Variants in NEGR1 observed in about 807,000 individuals in gnomAD.
NEGR1 encodes the protein neuronal growth regulator 1.
In NEGR1, 10 loss-of-function variants were observed where a neutral mutation model predicts 40.9. That is an observed-to-expected ratio of 0.24 (90% confidence interval 0.15 to 0.42). The LOEUF is 0.42. Ranked by LOEUF, NEGR1 falls within the 10% of genes least tolerant of loss-of-function variation. The probability of loss-of-function intolerance (pLI) is 1.00; values close to 1 mark genes in which losing one functional copy is unlikely to be tolerated. For synonymous variants in NEGR1, 185 were observed against 166.8 expected (o/e 1.11, Z -0.84); for missense variants, 352 against 438.9 (o/e 0.80, Z 1.77).
At chr1:71,993,578 G>A (rs1017879886) in intron 1 of NEGR1, among the ~76,000 whole-genome samples, 8 of 152,110 alleles carry the variant, frequency 5.3e-5, no homozygotes, top group African/African-American at 1.9e-4. Context: ...ATCTCTTCCT[G>A]TAAGAAAATA....
chr1:71,750,776 C>A (rs748906921), intron 3 of NEGR1, among the ~76,000 whole-genome samples: 13 of 152,122 alleles, frequency 8.5e-5, no homozygotes, highest in Non-Finnish European at 1.5e-4. Context: ...ATTACTTAAT[C>A]ATTTATATTT....
chr1:71,766,684 T>C (rs887093795), intron 3 of NEGR1, among the ~76,000 whole-genome samples: 1 of 152,214 alleles, frequency 6.6e-6, no homozygotes, highest in African/African-American at 2.4e-5. Context: ...CTCCTTGATA[T>C]GGTTTTGATC....
At chr1:72,085,507 C>A (rs996415218) in intron 1 of NEGR1, among the ~76,000 whole-genome samples, 3 of 152,162 alleles carry the variant, frequency 2.0e-5, no homozygotes, top group African/African-American at 7.2e-5. Flanking sequence ...TAGGTGTGTT[C>A]TGCACATTTA....
intron 6 of NEGR1, among the ~76,000 whole-genome samples, chr1:71,429,581 G>A (rs904196746): frequency 1.3e-5 from 2 of 152,040 alleles, no homozygotes; most frequent in Non-Finnish European, 2.9e-5. Context: ...ATTCCATTTT[G>A]TTCTCACTCT....
At chr1:71,688,992 C>T (rs1052306020) in intron 4 of NEGR1, among the ~76,000 whole-genome samples, 6 of 152,234 alleles carry the variant, frequency 3.9e-5, no homozygotes, top group African/African-American at 1.4e-4. Context: ...TTAAAACTCA[C>T]GTCTGATTCC....
At chr1:71,658,597 G>A (rs1291595650) in intron 4 of NEGR1, among the ~76,000 whole-genome samples, 3 of 152,054 alleles carry the variant, frequency 2.0e-5, no homozygotes, top group Non-Finnish European at 2.9e-5. Flanking sequence ...TTTCTTCTGG[G>A]TGGGACATTT....
intron 2 of NEGR1, among the ~76,000 whole-genome samples, chr1:71,838,538 C>A (rs905592646): frequency 4.6e-5 from 7 of 152,046 alleles, no homozygotes; most frequent in African/African-American, 1.7e-4. Flanking sequence ...TTAGAAAGTT[C>A]TTAGGTTTTA....
At chr1:72,230,468 C>G (rs1025803276) in intron 1 of NEGR1, among the ~76,000 whole-genome samples, 41 of 152,024 alleles carry the variant, frequency 2.7e-4, no homozygotes, top group African/African-American at 9.4e-4. Flanking sequence ...CACAAGTCCT[C>G]CAAAATGTAA....
At chr1:72,196,073 T>C (rs943067428) in intron 1 of NEGR1, among the ~76,000 whole-genome samples, 5 of 151,994 alleles carry the variant, frequency 3.3e-5, no homozygotes, top group African/African-American at 9.7e-5. Flanking sequence ...TTTATGACAA[T>C]GAAAGGAGCG....
intron 1 of NEGR1, among the ~76,000 whole-genome samples, chr1:71,953,828 CTT>C (rs35282053): frequency 6.6e-6 from 1 of 151,626 alleles, no homozygotes; most frequent in African/African-American, 2.4e-5. Context: ...AAGTGATATA[CTT>C]TTTTTTAGAC....
intron 3 of NEGR1, among the ~76,000 whole-genome samples, chr1:71,702,738 A>AAC (rs1553159754): frequency 2.0e-5 from 3 of 151,574 alleles, no homozygotes; most frequent in Admixed American, 1.3e-4. Context: ...AAAAAAAAAA[A>AAC]AAAACACTTT....
At chr1:71,434,866 C>T (rs376090859) in intron 6 of NEGR1, among the ~76,000 whole-genome samples, 222 of 152,192 alleles carry the variant, frequency 1.5e-3, no homozygotes, top group African/African-American at 4.9e-3. Context: ...CCAAGGCGGG[C>T]GGATCACGAG....
At chr1:71,714,163 G>A (rs149760347) in intron 3 of NEGR1, among the ~76,000 whole-genome samples, 9 of 152,286 alleles carry the variant, frequency 5.9e-5, no homozygotes, top group Non-Finnish European at 1.0e-4. Context: ...GAGAGAGAAT[G>A]AGGGCCAGGA....
At chr1:71,553,054 TAAAAA>T (rs141654679) in intron 6 of NEGR1, among the ~76,000 whole-genome samples, 5 of 151,314 alleles carry the variant, frequency 3.3e-5, no homozygotes, top group African/African-American at 1.2e-4. Flanking sequence ...GTAAAAATGT[TAAAAA>T]AAACCTAGGC....
intron 6 of NEGR1, among the ~76,000 whole-genome samples, chr1:71,453,024 G>C (rs550655460): frequency 6.6e-6 from 1 of 152,218 alleles, no homozygotes; most frequent in African/African-American, 2.4e-5. Flanking sequence ...ACTCCAAGAA[G>C]TATTTATGAG....
intron 1 of NEGR1, among the ~76,000 whole-genome samples, chr1:72,226,606 T>C (rs1291225816): frequency 1.3e-5 from 2 of 152,032 alleles, no homozygotes; most frequent in African/African-American, 4.8e-5. Context: ...CATTAAAAAT[T>C]TGATTCGGCC....
intron 6 of NEGR1, among the ~76,000 whole-genome samples, chr1:71,529,704 A>G (rs1207109511): frequency 6.6e-6 from 1 of 151,158 alleles, no homozygotes; most frequent in Non-Finnish European, 1.5e-5. Flanking sequence ...CTCGATGGCC[A>G]TTGTCCAGAA....
chr1:71,569,898 C>G (rs993548626), intron 6 of NEGR1, among the ~76,000 whole-genome samples: 3 of 152,134 alleles, frequency 2.0e-5, no homozygotes, highest in Non-Finnish European at 2.9e-5. Context: ...TTCATTTCCC[C>G]CTTTGTGACT....
At chr1:72,066,177 C>A (rs1647267368) in intron 1 of NEGR1, among the ~76,000 whole-genome samples, 1 of 152,068 alleles carries the variant, frequency 6.6e-6, no homozygotes, top group Non-Finnish European at 1.5e-5. Context: ...CAATTATACA[C>A]ATAAGAAGAC....
Sources: gnomAD v4.1 joint callset for allele counts (sites outside exome capture counted in the v4.1 genomes callset) on GRCh38, gnomAD v4.1.1 for gene constraint, MANE v1.5 for transcripts, NCBI Gene and HGNC (gene_info 2026-07-23, HGNC 2026-07-21) for gene names.